Variants in CHODL observed in about 807,000 individuals in gnomAD.
CHODL encodes chondrolectin, also known as transmembrane protein MT75.
In CHODL, 29 loss-of-function variants were observed where a neutral mutation model predicts 34.5. That is an observed-to-expected ratio of 0.84 (90% confidence interval 0.63 to 1.15). The LOEUF (loss-of-function observed/expected upper bound fraction) is 1.15. Among genes scored for constraint, CHODL ranks in the 50% most tolerant of loss-of-function variants. CHODL has a pLI of 0.00. For synonymous variants in CHODL, 125 were observed against 116.1 expected, an observed-to-expected ratio of 1.08 and a Z score of -0.49; for missense variants, 332 against 332.5, an observed-to-expected ratio of 1.00 and a Z score of 0.01.
At chr21:17,990,964 C>T (rs1341009898) in intron 1 of CHODL, among the ~76,000 whole-genome samples, 1 of 152,090 alleles carries the variant, frequency 6.6e-6, no homozygotes, top group Non-Finnish European at 1.5e-5. Context: ...TCTTCACCTT[C>T]CACCTTTTTT....
chr21:17,974,251 T>A (rs999687995), intron 1 of CHODL, among the ~76,000 whole-genome samples: 16 of 152,156 alleles, frequency 1.1e-4, no homozygotes, highest in African/African-American at 2.9e-4. Flanking sequence ...GCCTCTCCAA[T>A]TTTTAGAATT....
upstream of CHODL, among the ~76,000 whole-genome samples, chr21:18,244,408 A>G (rs2074111183): frequency 6.6e-6 from 1 of 152,230 alleles, no homozygotes; most frequent in African/African-American, 2.4e-5. Context: ...TTCACTGAGC[A>G]GGTTTTGGCT....
chr21:18,246,682 C>A (rs562393161), intron 1 of CHODL, among the ~76,000 whole-genome samples: 2 of 152,262 alleles, frequency 1.3e-5, no homozygotes, highest in East Asian at 1.9e-4. Context: ...AAAGCAGAGA[C>A]CATGCTTTGA....
chr21:18,199,301 T>TATTA (rs1357667269), intron 2 of CHODL, among the ~76,000 whole-genome samples: 1 of 152,102 alleles, frequency 6.6e-6, no homozygotes, highest in Non-Finnish European at 1.5e-5. Context: ...AAACAAAACT[T>TATTA]ATTACTTTTT....
intron 2 of CHODL, among the ~76,000 whole-genome samples, chr21:18,089,544 G>T (rs1600988182): frequency 6.6e-6 from 1 of 152,022 alleles, no homozygotes; most frequent in African/African-American, 2.4e-5. Context: ...ACACCATATA[G>T]AATTACACAG....
intron 1 of CHODL, among the ~76,000 whole-genome samples, chr21:18,001,687 A>T (rs372289703): frequency 6.6e-6 from 1 of 151,648 alleles, no homozygotes; most frequent in Non-Finnish European, 1.5e-5. Context: ...TGCATATTAC[A>T]TTGTTACATG....
At chr21:18,009,756 T>C (rs1041439172) in intron 1 of CHODL, among the ~76,000 whole-genome samples, 87 of 149,386 alleles carry the variant, frequency 5.8e-4, no homozygotes, top group African/African-American at 1.5e-3. Flanking sequence ...GGCGTGGTGG[T>C]AGGTGCCTGT....
chr21:18,245,338 G>A (rs903218633), intron 1 of CHODL, 36 bp downstream of exon 1: 1 of 1,481,356 alleles, frequency 6.8e-7, no homozygotes. Context: ...GAACGAGCGG[G>A]GAGAGGGGAC....
chr21:18,201,936 T>C (rs1430267155), intron 2 of CHODL, among the ~76,000 whole-genome samples: 7 of 151,470 alleles, frequency 4.6e-5, no homozygotes, highest in African/African-American at 7.3e-5. Context: ...TCCTGAGTAG[T>C]TGGGACTACA....
chr21:18,090,424 C>G (rs1206904766), intron 2 of CHODL, among the ~76,000 whole-genome samples: 1 of 152,002 alleles, frequency 6.6e-6, no homozygotes, highest in East Asian at 1.9e-4. Context: ...AGGCTTGAAA[C>G]ATAAAAGAGA....
At position 18,245,292 on chromosome 21, in the gene CHODL, C is replaced by T; in HGVS notation, c.69C>T (p.Arg23=). 1 of 1,524,436 alleles carries T rather than the reference C, an allele frequency of 6.6e-7. No homozygotes were observed. Among genetic ancestry groups the T allele is most frequent in the Non-Finnish European group, 8.8e-7 (1 of 1,142,134 alleles). 94.4% of individuals were successfully genotyped at this position (1,524,436 alleles called of 1,614,324 possible). ...LLCGHGAFCR[R]VVSGQKVCFA... is the part of the protein sequence containing the mutation. ...GCGGCCACGGAGCCTTCTGCCGCCG[C>T]GTGGTCAGCGGTGAGTCAGGGGCCG... Residue 23 remains arginine, a synonymous_variant, in exon 1 of 6, where the codon CGC becomes CGT. Transcript: ENST00000299295.
chr21:18,037,611 C>T (rs28629822), intron 2 of CHODL, among the ~76,000 whole-genome samples: 3,657 of 151,738 alleles, frequency 0.024, 185 homozygotes, highest in East Asian at 0.15. Context: ...AAGGGTAGAG[C>T]TGATACCATC....
At chr21:18,232,953 A>G (rs1034024311) in intron 2 of CHODL, among the ~76,000 whole-genome samples, 1 of 140,072 alleles carries the variant, frequency 7.1e-6, no homozygotes, top group Non-Finnish European at 1.5e-5. Flanking sequence ...ATATATATAT[A>G]TATATATATA....
chr21:18,035,489 G>T (rs1162296843), intron 2 of CHODL, among the ~76,000 whole-genome samples: 1 of 151,842 alleles, frequency 6.6e-6, no homozygotes, highest in Non-Finnish European at 1.5e-5. Context: ...TCAATAATTT[G>T]CAGTGTTCCT....
intron 1 of CHODL, among the ~76,000 whole-genome samples, chr21:17,980,568 T>A (rs2063705802): frequency 6.6e-6 from 1 of 152,178 alleles, no homozygotes; most frequent in Non-Finnish European, 1.5e-5. Flanking sequence ...CAGGTTGTAG[T>A]TGGAGGAGAG....
chr21:18,081,071 CCTAG>C (rs2064935706), intron 2 of CHODL, among the ~76,000 whole-genome samples: 1 of 152,114 alleles, frequency 6.6e-6, no homozygotes, highest in African/African-American at 2.4e-5. Context: ...TAAATATATT[CCTAG>C]CTATTTTATT....
chr21:18,067,207 G>A (rs1186161103), intron 2 of CHODL, among the ~76,000 whole-genome samples: 1 of 152,088 alleles, frequency 6.6e-6, no homozygotes, highest in Admixed American at 6.6e-5. Context: ...TGGGAGATGA[G>A]TATAAACTTA....
chr21:18,021,629 A>G (rs1019114893), intron 1 of CHODL, among the ~76,000 whole-genome samples: 5 of 152,236 alleles, frequency 3.3e-5, no homozygotes, highest in African/African-American at 1.2e-4. Context: ...TATTTTATAT[A>G]GCTTAGCTGA....
chr21:17,999,135 G>A (rs1259831841), intron 1 of CHODL, among the ~76,000 whole-genome samples: 1 of 152,180 alleles, frequency 6.6e-6, no homozygotes, highest in Non-Finnish European at 1.5e-5. Flanking sequence ...CAAGTTCAAA[G>A]TTCCACAAAT....
Sources: gnomAD v4.1 joint callset for allele counts (sites outside exome capture counted in the v4.1 genomes callset) on GRCh38, gnomAD v4.1.1 for gene constraint, MANE v1.5 for transcripts, NCBI Gene and HGNC (gene_info 2026-07-23, HGNC 2026-07-21) for gene names.